The following CA10 variants were observed in gnomAD, a reference collection of about 807,000 sequenced individuals.
CA10 encodes carbonic anhydrase 10 (inactive), also known as carbonic anhydrase-related protein 10.
A neutral mutation model predicts 44.2 loss-of-function variants in CA10; 14 were observed. That is an observed-to-expected ratio of 0.32 (90% CI 0.21 to 0.50). CA10 has a LOEUF of 0.50. Among genes scored for constraint, CA10 ranks in the 20% least tolerant of loss-of-function variants. CA10 has a pLI of 0.99. For missense variants in CA10, 350 were observed against 409.7 expected, an observed-to-expected ratio of 0.85 and a Z score of 1.26; for synonymous variants, 159 against 141.6, an observed-to-expected ratio of 1.12 and a Z score of -0.87.
chr17:51,880,970 G>T (rs1182751929), intron 3 of CA10, among the ~76,000 whole-genome samples: 2 of 151,892 alleles, frequency 1.3e-5, no homozygotes, highest in East Asian at 1.9e-4. Context: ...GGCGCGGGTG[G>T]CTCACGCCTG....
At chr17:51,998,725 T>C (rs147578901) in intron 2 of CA10, among the ~76,000 whole-genome samples, 1 of 152,094 alleles carries the variant, frequency 6.6e-6, no homozygotes, top group African/African-American at 2.4e-5. Flanking sequence ...TCACACTGTG[T>C]AGTTTAATTC....
intron 3 of CA10, among the ~76,000 whole-genome samples, chr17:51,881,707 A>C (rs770703302): frequency 2.6e-5 from 4 of 152,218 alleles, no homozygotes; most frequent in Admixed American, 6.5e-5. Flanking sequence ...TCAGTCAATA[A>C]TGAGAGGGCA....
intron 4 of CA10, among the ~76,000 whole-genome samples, chr17:51,714,418 G>T (rs1377400523): frequency 6.6e-6 from 1 of 152,114 alleles, no homozygotes; most frequent in Non-Finnish European, 1.5e-5. Context: ...GAGATTTAAG[G>T]CAGTGTATAA....
At chr17:51,864,562 AT>A (rs1214148233) in intron 3 of CA10, among the ~76,000 whole-genome samples, 13 of 152,246 alleles carry the variant, frequency 8.5e-5, no homozygotes, top group African/African-American at 3.1e-4. Context: ...CAGACTTTGA[AT>A]TTCTACTTAA....
At chr17:51,714,525 A>T (rs1172630515) in intron 4 of CA10, among the ~76,000 whole-genome samples, 1 of 152,072 alleles carries the variant, frequency 6.6e-6, no homozygotes, top group Non-Finnish European at 1.5e-5. Flanking sequence ...CACTATGGTT[A>T]TTTTACAAGG....
intron 3 of CA10, among the ~76,000 whole-genome samples, chr17:51,832,239 A>C (rs756497438): frequency 2.6e-5 from 4 of 152,136 alleles, no homozygotes; most frequent in African/African-American, 9.7e-5. Flanking sequence ...CTATAGTAAC[A>C]CTCAATTCCT....
intron 1 of CA10, among the ~76,000 whole-genome samples, chr17:52,097,692 T>TGAACCCA (rs2143235149): frequency 6.6e-6 from 1 of 152,254 alleles, no homozygotes; most frequent in East Asian, 1.9e-4. Context: ...AAACACAAAT[T>TGAACCCA]AAGCACTCAC....
chr17:51,730,678 A>C (rs2143557985), intron 4 of CA10, among the ~76,000 whole-genome samples: 1 of 152,356 alleles, frequency 6.6e-6, no homozygotes, highest in South Asian at 2.1e-4. Flanking sequence ...ACTGTAACTA[A>C]ACTTTTAATT....
At chr17:51,940,074 T>C (rs997817309) in intron 2 of CA10, among the ~76,000 whole-genome samples, 9 of 152,158 alleles carry the variant, frequency 5.9e-5, no homozygotes, top group Admixed American at 5.9e-4. Context: ...TTAATATTTG[T>C]ATATGCTATG....
Position 51,975,320 on chromosome 17 carries a change from T to A in CA10, c.137-44188A>T, listed in dbSNP as rs1984423312. On this transcript the variant is annotated intron_variant, in intron 2 of 8. Transcript: ENST00000451037. ...GTGCTTAATCTAAATTGTAAATAATTACATTAAGTGTCAACAGACTAAATG... is the reference window on the plus strand; with the variant it reads ...GTGCTTAATCTAAATTGTAAATAATAACATTAAGTGTCAACAGACTAAATG... 2.0e-5 allele frequency among the ~76,000 whole-genome samples: 3 copies of A among 152,158 alleles called. No individual in the cohort carries two copies. The South Asian group carries it at 6.2e-4, about 32-fold the overall frequency.
chr17:52,153,732 G>T (rs544802672), intron 1 of CA10, among the ~76,000 whole-genome samples: 236 of 152,214 alleles, frequency 1.6e-3, no homozygotes, highest in Non-Finnish European at 3.0e-3. Flanking sequence ...ATGGAAAAAG[G>T]TAAAAGCTCT....
Position 51,743,824 on chromosome 17 carries a change from A to T in CA10, c.465+3809T>A, listed in dbSNP as rs371905173. Among the ~76,000 whole-genome samples the T allele has an allele frequency of 1.3e-4, 20 of 152,334 alleles. No individual in the cohort carries two copies. The South Asian group carries it at 4.1e-3, about 32-fold the overall frequency. The stretch of plus-strand genomic sequence containing the variant: ...AAAGGATAGCCAAAAATAGAGGCCA[A>T]AGGTGGCTTTGAAGGTAGCACAAAA... On this transcript the variant is annotated intron_variant, in intron 4 of 8. Coordinates refer to ENST00000451037, the MANE Select transcript of CA10 (RefSeq NM_020178.5).
At chr17:51,848,486 G>T (rs770244838) in intron 3 of CA10, among the ~76,000 whole-genome samples, 4 of 152,198 alleles carry the variant, frequency 2.6e-5, no homozygotes, top group Non-Finnish European at 5.9e-5. Flanking sequence ...AGGTGCTGTG[G>T]CAGGCAATGG....
intron 4 of CA10, among the ~76,000 whole-genome samples, chr17:51,672,233 G>A (rs370184358): frequency 1.3e-5 from 2 of 152,104 alleles, no homozygotes; most frequent in Non-Finnish European, 2.9e-5. Flanking sequence ...CAATACTACT[G>A]CTGCTACCAC....
At chr17:51,980,862 G>A (rs143835920) in intron 2 of CA10, among the ~76,000 whole-genome samples, 141 of 152,080 alleles carry the variant, frequency 9.3e-4, no homozygotes, top group African/African-American at 2.7e-3. Flanking sequence ...TTTCTCTTCC[G>A]TTCCATTGAC....
At chr17:52,100,265 T>C in intron 1 of CA10, among the ~76,000 whole-genome samples, 1 of 152,156 alleles carries the variant, frequency 6.6e-6, no homozygotes, top group East Asian at 1.9e-4. Flanking sequence ...AGCATTAGGA[T>C]TGATTTCTGA....
At chr17:51,723,914 TG>T (rs1457269443) in intron 4 of CA10, among the ~76,000 whole-genome samples, 1 of 152,088 alleles carries the variant, frequency 6.6e-6, no homozygotes, top group African/African-American at 2.4e-5. Flanking sequence ...TGGGTGCCCA[TG>T]GGGTACCTGG....
chr17:51,838,269 C>T (rs534313946), intron 3 of CA10, among the ~76,000 whole-genome samples: 1 of 152,184 alleles, frequency 6.6e-6, no homozygotes, highest in Non-Finnish European at 1.5e-5. Context: ...TCTACTAAAC[C>T]ATCTTGCCTG....
At chr17:51,865,513 G>A (rs1412755524) in intron 3 of CA10, among the ~76,000 whole-genome samples, 1 of 152,220 alleles carries the variant, frequency 6.6e-6, no homozygotes, top group Non-Finnish European at 1.5e-5. Flanking sequence ...GGCTGGACAT[G>A]TTCCTTAAGC....
Sources: gnomAD v4.1 joint callset for allele counts (sites outside exome capture counted in the v4.1 genomes callset) on GRCh38, gnomAD v4.1.1 for gene constraint, MANE v1.5 for transcripts, NCBI Gene and HGNC (gene_info 2026-07-23, HGNC 2026-07-21) for gene names.